The following SGCZ variants were observed in gnomAD, a reference collection of about 807,000 sequenced individuals.
SGCZ encodes zeta-sarcoglycan.
Under a neutral mutation model 41.3 loss-of-function variants are expected in SGCZ, and 40 were observed. The observed-to-expected ratio is 0.97, with a 90% CI of 0.75 to 1.26. The LOEUF (loss-of-function observed/expected upper bound fraction) is 1.26, where lower values mean the gene tolerates loss of function less well. Among genes scored for constraint, SGCZ ranks in the 50% most tolerant of loss-of-function variants. The probability of loss-of-function intolerance (pLI) is 0.00; values close to 1 mark genes in which losing one functional copy is unlikely to be tolerated. For missense variants in SGCZ, 552 were observed against 369.8 expected (o/e 1.49, Z -4.04); for synonymous variants, 206 against 137.5 (o/e 1.50, Z -3.49).
intron 1 of SGCZ, among the ~76,000 whole-genome samples, chr8:14,766,508 A>G (rs1413660752): frequency 1.3e-5 from 2 of 151,984 alleles, no homozygotes; most frequent in Non-Finnish European, 2.9e-5. Flanking sequence ...TGTTTGTTTA[A>G]TCAAAAAGAC....
At chr8:14,765,461 T>C (rs985513080) in intron 1 of SGCZ, among the ~76,000 whole-genome samples, 1 of 152,172 alleles carries the variant, frequency 6.6e-6, no homozygotes, top group African/African-American at 2.4e-5. Flanking sequence ...TGAAACATAA[T>C]TTAATTCTAT....
chr8:15,194,490 G>C (rs1237060202), intron 1 of SGCZ, among the ~76,000 whole-genome samples: 2 of 152,098 alleles, frequency 1.3e-5, no homozygotes, highest in African/African-American at 4.8e-5. Context: ...CCTTGCAAAA[G>C]GGACTTTGCA....
At chr8:15,146,136 A>C (rs113166663) in intron 1 of SGCZ, among the ~76,000 whole-genome samples, 8 of 132,742 alleles carry the variant, frequency 6.0e-5, no homozygotes, top group African/African-American at 2.1e-4. Flanking sequence ...GAACTTAGAA[A>C]ACTAAGAAAA....
intron 2 of SGCZ, among the ~76,000 whole-genome samples, chr8:14,341,700 G>A (rs567990294): frequency 6.6e-6 from 1 of 152,104 alleles, no homozygotes; most frequent in Non-Finnish European, 1.5e-5. Flanking sequence ...GAATCATGGG[G>A]GCCAGTCATT....
chr8:14,933,313 G>A (rs1799973848), intron 1 of SGCZ, among the ~76,000 whole-genome samples: 1 of 151,914 alleles, frequency 6.6e-6, no homozygotes, highest in Non-Finnish European at 1.5e-5. Flanking sequence ...GACAGAGAAA[G>A]AGGACCCAGA....
chr8:14,832,250 G>A (rs936809756), intron 1 of SGCZ, among the ~76,000 whole-genome samples: 1 of 151,998 alleles, frequency 6.6e-6, no homozygotes. Flanking sequence ...ATGATATATG[G>A]ATAACTATCA....
intron 1 of SGCZ, among the ~76,000 whole-genome samples, chr8:15,098,917 G>C (rs747717261): frequency 6.6e-6 from 1 of 152,136 alleles, no homozygotes. Context: ...AATTAGCCGG[G>C]GGTGGTGGTG....
chr8:14,205,844 T>G (rs550175568), intron 4 of SGCZ, among the ~76,000 whole-genome samples: 5 of 152,282 alleles, frequency 3.3e-5, no homozygotes, highest in Admixed American at 6.5e-5. Context: ...ATATCAAATA[T>G]TATTTGAAAT....
chr8:14,405,519 G>C (rs560247510), intron 2 of SGCZ, among the ~76,000 whole-genome samples: 37 of 152,224 alleles, frequency 2.4e-4, no homozygotes. Context: ...ATCAAATATG[G>C]TAGGCAGACC....
At chr8:14,569,554 G>C (rs890765150) in intron 1 of SGCZ, among the ~76,000 whole-genome samples, 2 of 152,168 alleles carry the variant, frequency 1.3e-5, no homozygotes. Context: ...GGATAGAATA[G>C]TGACATGAGC....
At chr8:14,467,095 T>C (rs1471705438) in intron 2 of SGCZ, among the ~76,000 whole-genome samples, 2 of 151,964 alleles carry the variant, frequency 1.3e-5, no homozygotes, top group East Asian at 3.9e-4. Flanking sequence ...TCTTATAGAC[T>C]CTTCCCTTTT....
At chr8:14,767,894 C>G (rs1352066525) in intron 1 of SGCZ, among the ~76,000 whole-genome samples, 1 of 152,132 alleles carries the variant, frequency 6.6e-6, no homozygotes, top group African/African-American at 2.4e-5. Flanking sequence ...TACATAGACC[C>G]TTGGTTTGCT....
chr8:14,278,949 T>C (rs772383168), intron 3 of SGCZ, among the ~76,000 whole-genome samples: 1 of 152,166 alleles, frequency 6.6e-6, no homozygotes, highest in African/African-American at 2.4e-5. Flanking sequence ...TACAAGGCCA[T>C]GTATCTCTCT....
intron 1 of SGCZ, among the ~76,000 whole-genome samples, chr8:14,803,732 TC>T (rs1436476160): frequency 1.3e-5 from 2 of 151,138 alleles, no homozygotes; most frequent in African/African-American, 4.9e-5. Context: ...CCACCACAGC[TC>T]AAGGAGGCCT....
At chr8:14,867,639 C>T (rs2130695102) in intron 1 of SGCZ, among the ~76,000 whole-genome samples, 1 of 152,064 alleles carries the variant, frequency 6.6e-6, no homozygotes, top group South Asian at 2.1e-4. Context: ...TTAATATGAG[C>T]CATTATCCTT....
intron 2 of SGCZ, among the ~76,000 whole-genome samples, chr8:14,484,447 T>A (rs1049679409): frequency 6.6e-6 from 1 of 152,156 alleles, no homozygotes; most frequent in African/African-American, 2.4e-5. Context: ...TACAAATAAA[T>A]TTTTTAATTC....
chr8:15,164,856 T>C (rs191838073), intron 1 of SGCZ, among the ~76,000 whole-genome samples: 58 of 152,242 alleles, frequency 3.8e-4, no homozygotes, highest in African/African-American at 1.3e-3. Context: ...TGGCAACGCT[T>C]TGCTTAGCAG....
chr8:14,678,499 C>G (rs36070845), intron 1 of SGCZ, among the ~76,000 whole-genome samples: 54,048 of 152,000 alleles, frequency 0.36, 11,892 homozygotes, highest in African/African-American at 0.63. Context: ...CCACTAAGAA[C>G]TTATTAAAAT....
At chr8:14,581,754 A>G (rs1392879737) in intron 1 of SGCZ, among the ~76,000 whole-genome samples, 1 of 152,204 alleles carries the variant, frequency 6.6e-6, no homozygotes, top group South Asian at 2.1e-4. Flanking sequence ...AAGGTTGAGG[A>G]TAGTGATAAG....
Sources: gnomAD v4.1 joint callset for allele counts (sites outside exome capture counted in the v4.1 genomes callset) on GRCh38, gnomAD v4.1.1 for gene constraint, MANE v1.5 for transcripts, NCBI Gene and HGNC (gene_info 2026-07-23, HGNC 2026-07-21) for gene names.